SPON1: variants seen among roughly 807,000 people sequenced by gnomAD.
The protein encoded by SPON1 is spondin 1, also known as spondin-1.
SPON1 carries 52 observed loss-of-function variants against 111.7 expected under a neutral mutation model. That is an observed-to-expected ratio of 0.47 (90% CI 0.37 to 0.59). The LOEUF (loss-of-function observed/expected upper bound fraction) is 0.59. SPON1 is among the 20% of genes least tolerant of loss of function. SPON1 has a pLI of 0.00. For missense variants in SPON1, 957 were observed against 1,068.5 expected (o/e 0.90, Z 1.46); for synonymous variants, 410 against 395.8 (o/e 1.04, Z -0.43).
chr11:13,968,944 A>C (rs1191804342), intron 1 of SPON1, among the ~76,000 whole-genome samples: 1 of 152,188 alleles, frequency 6.6e-6, no homozygotes, highest in Non-Finnish European at 1.5e-5. Flanking sequence ...AAACAAAGTA[A>C]ATTTCTAAGG....
intron 6 of SPON1, among the ~76,000 whole-genome samples, chr11:14,169,687 G>A (rs1270058604): frequency 4.6e-5 from 7 of 152,082 alleles, no homozygotes; most frequent in Admixed American, 3.9e-4. Context: ...AAGGTGTAAG[G>A]AGATCCAGTT....
At chr11:14,173,123 G>T (rs1273292697) in intron 6 of SPON1, among the ~76,000 whole-genome samples, 1 of 151,876 alleles carries the variant, frequency 6.6e-6, no homozygotes, top group Admixed American at 6.6e-5. Context: ...GTCACTTTCA[G>T]GTACACCAAT....
intron 1 of SPON1, among the ~76,000 whole-genome samples, chr11:13,970,306 C>T (rs1294971285): frequency 2.6e-5 from 4 of 152,160 alleles, no homozygotes; most frequent in Non-Finnish European, 5.9e-5. Flanking sequence ...TTCTACCTTT[C>T]GCAGAATATT....
chr11:14,027,375 T>G (rs1554915490), intron 2 of SPON1, among the ~76,000 whole-genome samples: 2 of 152,146 alleles, frequency 1.3e-5, no homozygotes, highest in African/African-American at 4.8e-5. Flanking sequence ...GAGTTTACCA[T>G]GAGCTTCAAT....
At chr11:14,106,045 T>C (rs1849182016) in intron 5 of SPON1, among the ~76,000 whole-genome samples, 1 of 152,208 alleles carries the variant, frequency 6.6e-6, no homozygotes, top group Admixed American at 6.5e-5. Context: ...GTAGCTTAAG[T>C]AGTCACCTGT....
At chr11:14,010,104 T>G (rs1487016192) in intron 2 of SPON1, among the ~76,000 whole-genome samples, 1 of 152,186 alleles carries the variant, frequency 6.6e-6, no homozygotes, top group African/African-American at 2.4e-5. Flanking sequence ...AATGGAATAA[T>G]GGCAAGGCTG....
chr11:14,048,870 TC>T (rs1254144384), intron 3 of SPON1, among the ~76,000 whole-genome samples: 1 of 152,190 alleles, frequency 6.6e-6, no homozygotes, highest in Non-Finnish European at 1.5e-5. Flanking sequence ...CACTTACTTG[TC>T]CCTTCCTGGA....
At chr11:14,162,545 A>G (rs1479449549) in intron 6 of SPON1, among the ~76,000 whole-genome samples, 3 of 152,380 alleles carry the variant, frequency 2.0e-5, no homozygotes, top group Admixed American at 6.5e-5. Context: ...CCATCTGAGT[A>G]TAGAACTCCT....
rs557193875 is a variant in SPON1 at position 13,976,426 on chromosome 11, A to G, written c.239-6421A>G. ...GTATAATGAGGTTCTCTGGAAAGAT[A>G]GAGTCTCCTCTATTCCTTCAAATTA... On this transcript the variant is annotated intron_variant, in intron 1 of 15. Transcript: ENST00000576479. Among the ~76,000 whole-genome samples the G allele has an allele frequency of 3.9e-5, 6 of 152,324 alleles. No homozygotes were observed. In the South Asian group the frequency reaches 1.2e-3, roughly 32 times the overall value.
chr11:14,223,901 G>A (rs757521328), intron 6 of SPON1, among the ~76,000 whole-genome samples: 1 of 152,230 alleles, frequency 6.6e-6, no homozygotes, highest in Non-Finnish European at 1.5e-5. Context: ...CTGAGGACCT[G>A]CAGTTAGTTA....
intron 3 of SPON1, among the ~76,000 whole-genome samples, chr11:14,053,273 C>T (rs1469768669): frequency 6.6e-6 from 1 of 152,164 alleles, no homozygotes; most frequent in Non-Finnish European, 1.5e-5. Context: ...AGTAAAACCC[C>T]TTATTCATTG....
At chr11:13,966,100 T>G (rs1386047142) in intron 1 of SPON1, among the ~76,000 whole-genome samples, 1 of 152,182 alleles carries the variant, frequency 6.6e-6, no homozygotes. Flanking sequence ...AAAACCTGAA[T>G]CCAGTTGAGA....
chr11:14,263,746 A>T (rs1554942155), intron 15 of SPON1, among the ~76,000 whole-genome samples: 1 of 152,130 alleles, frequency 6.6e-6, no homozygotes, highest in Non-Finnish European at 1.5e-5. Flanking sequence ...AGTACATTCC[A>T]GGCCGGGCAC....
At chr11:14,206,474 G>A (rs529065844) in intron 6 of SPON1, among the ~76,000 whole-genome samples, 1 of 152,256 alleles carries the variant, frequency 6.6e-6, no homozygotes, top group African/African-American at 2.4e-5. Context: ...TAAATGACAA[G>A]TTTTTAAGTT....
At chr11:14,023,418 TAAATG>T (rs373265783) in intron 2 of SPON1, among the ~76,000 whole-genome samples, 1,685 of 152,232 alleles carry the variant, frequency 0.011, 30 homozygotes, top group African/African-American at 0.039. Context: ...AGGTGAGGCT[TAAATG>T]AAATAACATA....
chr11:13,983,258 T>G (rs1848158311), intron 2 of SPON1, among the ~76,000 whole-genome samples: 1 of 152,234 alleles, frequency 6.6e-6, no homozygotes, highest in South Asian at 2.1e-4. Flanking sequence ...CCTGGCTGTT[T>G]TGCCTGCACA....
chr11:14,244,850 G>A (rs539068865), intron 7 of SPON1, among the ~76,000 whole-genome samples: 61 of 152,196 alleles, frequency 4.0e-4, no homozygotes, highest in Non-Finnish European at 5.6e-4. Flanking sequence ...TTAGTTTAGC[G>A]TGCGCAGGTG....
chr11:14,260,503 C>G, intron 13 of SPON1, 85 bp from the exon 14 acceptor site: 1 of 1,436,684 alleles, frequency 7.0e-7, no homozygotes, highest in Non-Finnish European at 9.5e-7. Context: ...AAGCAGGGGA[C>G]TCGGTGTGGA....
chr11:14,099,704 A>T (rs1448123694), intron 5 of SPON1, among the ~76,000 whole-genome samples: 2 of 152,084 alleles, frequency 1.3e-5, no homozygotes, highest in Non-Finnish European at 2.9e-5. Flanking sequence ...CCATTTTTGC[A>T]TCACTATAAA....
Sources: allele counts gnomAD v4.1 joint callset (sites outside exome capture counted in the v4.1 genomes callset), GRCh38; gene constraint gnomAD v4.1.1; transcripts MANE v1.5; gene names NCBI Gene and HGNC (gene_info 2026-07-23, HGNC 2026-07-21).